The following FAM107B variants were observed in gnomAD, a reference collection of about 807,000 sequenced individuals.
The protein encoded by FAM107B is family with sequence similarity 107 member B, also known as protein FAM107B.
A neutral mutation model predicts 31.5 loss-of-function variants in FAM107B; 21 were observed. The ratio of observed to expected loss-of-function variants is 0.67; its 90% CI spans 0.47 to 0.96. FAM107B has a LOEUF of 0.96. FAM107B is among the 40% of genes least tolerant of loss of function. The pLI is 0.00. For synonymous variants in FAM107B, 157 were observed against 141.5 expected (o/e 1.11, Z -0.78); for missense variants, 452 against 377.1 (o/e 1.20, Z -1.64).
intron 2 of FAM107B, among the ~76,000 whole-genome samples, chr10:14,562,027 C>A (rs796543794): frequency 9.2e-5 from 14 of 152,310 alleles, no homozygotes; most frequent in African/African-American, 3.4e-4. Context: ...CTCAACCGAT[C>A]CACCCGCCTT....
At chr10:14,669,205 A>G (rs914192394) in intron 1 of FAM107B, among the ~76,000 whole-genome samples, 4 of 151,824 alleles carry the variant, frequency 2.6e-5, no homozygotes, top group African/African-American at 7.3e-5. Context: ...CCATCTCTAC[A>G]AAAAATACAA....
chr10:14,737,484 G>A (rs1014416755), intron 1 of FAM107B, among the ~76,000 whole-genome samples: 1 of 151,990 alleles, frequency 6.6e-6, no homozygotes, highest in African/African-American at 2.4e-5. Context: ...CGTGGTGACA[G>A]GCACCTGTAA....
chr10:14,762,150 G>T (rs184890920), intron 1 of FAM107B, among the ~76,000 whole-genome samples: 2,566 of 151,182 alleles, frequency 0.017, 36 homozygotes, highest in South Asian at 0.071. Context: ...TAGATTGTTT[G>T]TTTTTCTTTG....
intron 2 of FAM107B, among the ~76,000 whole-genome samples, chr10:14,542,133 C>A (rs2130972351): frequency 6.6e-6 from 1 of 151,926 alleles, no homozygotes. Context: ...AGCCAGGCAT[C>A]GTGGTGCATG....
chr10:14,649,946 A>G (rs1853857235), intron 2 of FAM107B, among the ~76,000 whole-genome samples: 1 of 152,194 alleles, frequency 6.6e-6, no homozygotes, highest in African/African-American at 2.4e-5. Flanking sequence ...GTCATCAGAG[A>G]TGCAGGCATG....
intron 2 of FAM107B, among the ~76,000 whole-genome samples, chr10:14,611,214 C>T (rs1177741958): frequency 1.3e-5 from 2 of 152,064 alleles, no homozygotes; most frequent in Non-Finnish European, 2.9e-5. Flanking sequence ...AAGCGCTCAT[C>T]CTGTCAAAAA....
chr10:14,747,425 T>A (rs1410666673), intron 1 of FAM107B, among the ~76,000 whole-genome samples: 1 of 152,192 alleles, frequency 6.6e-6, no homozygotes, highest in Non-Finnish European at 1.5e-5. Flanking sequence ...TCTTTGTGAG[T>A]TTATCTAGCT....
At chr10:14,639,093 T>C (rs1853570339) in intron 2 of FAM107B, among the ~76,000 whole-genome samples, 1 of 151,354 alleles carries the variant, frequency 6.6e-6, no homozygotes, top group African/African-American at 2.4e-5. Flanking sequence ...ATTTGGGGGG[T>C]TGAGGGGGGA....
chr10:14,529,117 G>A (rs1217731078), intron 3 of FAM107B, among the ~76,000 whole-genome samples: 1 of 152,192 alleles, frequency 6.6e-6, no homozygotes, highest in Non-Finnish European at 1.5e-5. Flanking sequence ...ATGAAGACAT[G>A]ATTTCCCAGG....
chr10:14,556,818 G>C (rs937496495), intron 2 of FAM107B, among the ~76,000 whole-genome samples: 1 of 152,254 alleles, frequency 6.6e-6, no homozygotes, highest in Non-Finnish European at 1.5e-5. Context: ...GGGATTGTCA[G>C]GGCCTCTCAA....
At chr10:14,682,012 T>G (rs1467824380) in intron 1 of FAM107B, among the ~76,000 whole-genome samples, 1 of 152,210 alleles carries the variant, frequency 6.6e-6, no homozygotes, top group East Asian at 1.9e-4. Context: ...GATGCACACC[T>G]GTTGAACATT....
At chr10:14,609,797 C>T (rs10906715) in intron 2 of FAM107B, among the ~76,000 whole-genome samples, 61,811 of 152,018 alleles carry the variant, frequency 0.41, 13,046 homozygotes, top group East Asian at 0.7. Context: ...AATTCTATGA[C>T]AGATGGAAGG....
intron 2 of FAM107B, among the ~76,000 whole-genome samples, chr10:14,534,187 C>G (rs534286333): frequency 6.6e-6 from 1 of 152,280 alleles, no homozygotes; most frequent in Admixed American, 6.5e-5. Flanking sequence ...GTCCTCAGAA[C>G]AGGTGGCATG....
chr10:14,596,663 C>T (rs1852198413), intron 2 of FAM107B, among the ~76,000 whole-genome samples: 1 of 152,186 alleles, frequency 6.6e-6, no homozygotes, highest in African/African-American at 2.4e-5. Context: ...TCTATGACTT[C>T]TATGACACCT....
rs912088807 is a variant in FAM107B at position 14,767,205 on chromosome 10, T to C, written c.411+7048A>G. On this transcript the variant is annotated intron_variant, in intron 1 of 4. Transcript: ENST00000181796. Reference sequence around the variant, plus strand: ...TGCCTCCCGGGTTCAAGTCATTCTCTGCCTCAGCCTCCTGAGTAGCTGGGA... The same window carrying C: ...TGCCTCCCGGGTTCAAGTCATTCTCCGCCTCAGCCTCCTGAGTAGCTGGGA... 2.7e-5 allele frequency among the ~76,000 whole-genome samples: 4 copies of C among 149,666 alleles called. No homozygotes were observed. In the South Asian group the frequency reaches 8.7e-4, roughly 32 times the overall value.
At chr10:14,704,789 C>T (rs1204733693) in intron 1 of FAM107B, among the ~76,000 whole-genome samples, 1 of 151,968 alleles carries the variant, frequency 6.6e-6, no homozygotes, top group Admixed American at 6.6e-5. Flanking sequence ...TTTGGGAGGC[C>T]AAGGCGGGTA....
intron 2 of FAM107B, chr10:14,602,430 A>G (rs1202224896): frequency 6.6e-6 from 1 of 152,246 alleles, no homozygotes; most frequent in Non-Finnish European, 1.5e-5. Flanking sequence ...AAAGTATGTA[A>G]TGACAAAAGC....
intron 2 of FAM107B, among the ~76,000 whole-genome samples, chr10:14,543,908 C>T (rs562979210): frequency 6.6e-6 from 1 of 152,282 alleles, no homozygotes; most frequent in South Asian, 2.1e-4. Flanking sequence ...TCTTGTCCCA[C>T]CCTGAGGGCC....
At chr10:14,736,103 T>C (rs1173467225) in intron 1 of FAM107B, among the ~76,000 whole-genome samples, 1 of 151,928 alleles carries the variant, frequency 6.6e-6, no homozygotes, top group Non-Finnish European at 1.5e-5. Flanking sequence ...AAGATGGCAG[T>C]CCCCCTGTGT....
Sources: allele counts gnomAD v4.1 joint callset (sites outside exome capture counted in the v4.1 genomes callset), GRCh38; gene constraint gnomAD v4.1.1; transcripts MANE v1.5; gene names NCBI Gene and HGNC (gene_info 2026-07-23, HGNC 2026-07-21).